Variants in ZC3H12C observed in about 807,000 individuals in gnomAD.
The protein encoded by ZC3H12C is zinc finger CCCH-type containing 12C.
A neutral mutation model predicts 76.3 loss-of-function variants in ZC3H12C; 20 were observed. The observed-to-expected ratio is 0.26, with a 90% CI of 0.18 to 0.38. The LOEUF (loss-of-function observed/expected upper bound fraction) is 0.38, where lower values mean the gene tolerates loss of function less well. Ranked by LOEUF, ZC3H12C falls within the 10% of genes least tolerant of loss-of-function variation. The pLI, the probability that ZC3H12C is intolerant of heterozygous loss-of-function variation, is 1.00. For missense variants in ZC3H12C, 874 were observed against 1,086.5 expected, an observed-to-expected ratio of 0.80 and a Z score of 2.75; for synonymous variants, 352 against 399.6, an observed-to-expected ratio of 0.88 and a Z score of 1.42.
At chr11:110,104,869 A>G (rs1861293931) in intron 1 of ZC3H12C, among the ~76,000 whole-genome samples, 1 of 152,200 alleles carries the variant, frequency 6.6e-6, no homozygotes, top group Non-Finnish European at 1.5e-5. Flanking sequence ...TTGCTTTTCT[A>G]CTTACTCATT....
intron 1 of ZC3H12C, among the ~76,000 whole-genome samples, chr11:110,107,034 C>T (rs1000645158): frequency 5.3e-5 from 8 of 152,190 alleles, no homozygotes; most frequent in African/African-American, 1.9e-4. Flanking sequence ...CTTATATACA[C>T]ATGTTCTGAA....
chr11:110,137,159 G>C lies in ZC3H12C; in HGVS notation c.518G>C (p.Gly173Ala), dbSNP rs1328575272. ...QTKLEFALKL[G>A]YSEEQVQLVL... ...AAACTGGAGTTTGCACTTAAGTTAG[G>C]TTATTCTGAAGAACAGGTTCAGCTT... Residue 173 changes from glycine (G) to alanine (A), a missense_variant, in exon 2 of 6, where the codon GGT becomes GCT. Physicochemically the swap from Gly to Ala is moderately conservative, Grantham distance 60. Coordinates refer to ENST00000278590, the MANE Select transcript of ZC3H12C (RefSeq NM_033390.2). 6.2e-7 allele frequency: 1 copy of C among 1,613,786 alleles called. No individual in the cohort carries two copies. Among genetic ancestry groups the C allele is most frequent in the Non-Finnish European group, 8.5e-7 (1 of 1,179,876 alleles).
chr11:110,159,713 CAT>C (rs1445010955), intron 4 of ZC3H12C, among the ~76,000 whole-genome samples: 1 of 152,168 alleles, frequency 6.6e-6, no homozygotes, highest in African/African-American at 2.4e-5. Context: ...GTAAGTCACT[CAT>C]AGAACACCTA....
rs202160093 is a variant in ZC3H12C, at chr11:110,112,991, GC to G, written c.21+19567del. ...AGTCTCCTGGTTTAAAGTTCTTATC[GC>G]CCCCCCCTACCAAAAAAAAAGATTT... is the stretch of plus-strand genomic sequence containing the variant. On this transcript the variant is annotated intron_variant, in intron 1 of 5. Coordinates refer to ENST00000278590, the MANE Select transcript of ZC3H12C (RefSeq NM_033390.2). Among the ~76,000 whole-genome samples the G allele has an allele frequency of 7.0e-4, 52 of 73,782 alleles. 1 individual carries two copies. The highest frequency in any genetic ancestry group is 6.8e-3 in the Middle Eastern group (1 of 148). 48.4% of individuals were successfully genotyped at this position (73,782 alleles called of 152,430 possible).
intron 2 of ZC3H12C, among the ~76,000 whole-genome samples, chr11:110,150,806 AT>A (rs1862259343): frequency 1.3e-5 from 2 of 151,970 alleles, no homozygotes. Context: ...TGTGTTACTA[AT>A]TTGGAGATGA....
chr11:110,110,408 C>G (rs1308032276), intron 1 of ZC3H12C, among the ~76,000 whole-genome samples: 1 of 152,092 alleles, frequency 6.6e-6, no homozygotes, highest in African/African-American at 2.4e-5. Flanking sequence ...CTTTGGCCCC[C>G]ACTGTACTCT....
chr11:110,158,970 A>C (rs1862427958), intron 3 of ZC3H12C, among the ~76,000 whole-genome samples: 1 of 152,216 alleles, frequency 6.6e-6, no homozygotes. Context: ...CCAGCTCTTA[A>C]GCAAAAGCTT....
At chr11:110,124,522 A>G (rs2134165349) in intron 1 of ZC3H12C, among the ~76,000 whole-genome samples, 1 of 152,326 alleles carries the variant, frequency 6.6e-6, no homozygotes, top group Admixed American at 6.5e-5. Flanking sequence ...CACACTATTC[A>G]TGTTACAGAA....
chr11:110,143,363 T>C (rs1862101411), intron 2 of ZC3H12C, among the ~76,000 whole-genome samples: 2 of 151,464 alleles, frequency 1.3e-5, no homozygotes, highest in African/African-American at 4.9e-5. Flanking sequence ...CTTAAAGTCA[T>C]TTTTTTTAGA....
intron 2 of ZC3H12C, among the ~76,000 whole-genome samples, chr11:110,141,765 G>A (rs114371575): frequency 1.3e-3 from 191 of 152,148 alleles, no homozygotes; most frequent in African/African-American, 3.6e-3. Context: ...ATCACATTTC[G>A]GAGACTTCGT....
intron 4 of ZC3H12C, among the ~76,000 whole-genome samples, chr11:110,163,019 A>G (rs1371831454): frequency 6.6e-6 from 1 of 152,238 alleles, no homozygotes; most frequent in Non-Finnish European, 1.5e-5. Context: ...AGGAAGAATT[A>G]ATAGGACATG....
At chr11:110,117,003 T>C (rs1001534893) in intron 1 of ZC3H12C, among the ~76,000 whole-genome samples, 3 of 152,218 alleles carry the variant, frequency 2.0e-5, no homozygotes, top group Non-Finnish European at 2.9e-5. Context: ...AGTTTCAGAA[T>C]ACCAGTAAGC....
chr11:110,168,813 C>T lies in ZC3H12C; in HGVS notation c.*3076C>T, dbSNP rs1398555074. The T allele has an allele frequency of 6.6e-6, 1 of 152,094 alleles. No homozygotes were observed. The highest frequency in any genetic ancestry group is 1.5e-5 in the Non-Finnish European group (1 of 67,990). The allele number at this position is 152,094 out of a possible 1,614,324, so 9.4% of individuals were successfully genotyped here. A position where few individuals can be genotyped will look rare whatever the true frequency, so the allele number is the denominator to read the frequency against. ...GATAAGAGTTTGTCATTGACTTACA[C>T]ATTTGGAAGAAATGCACACCAGTGT... On this transcript the variant is annotated 3_prime_UTR_variant, in exon 6 of 6. Coordinates refer to ENST00000278590, the MANE Select transcript of ZC3H12C (RefSeq NM_033390.2).
chr11:110,146,328 T>C (rs1454309461), intron 2 of ZC3H12C, among the ~76,000 whole-genome samples: 1 of 152,088 alleles, frequency 6.6e-6, no homozygotes, highest in Non-Finnish European at 1.5e-5. Flanking sequence ...ACAAGAAAGA[T>C]GAACAGAAAC....
chr11:110,163,477 T>C (rs1862518590), intron 5 of ZC3H12C, 98 bp downstream of exon 5: 2 of 877,492 alleles, frequency 2.3e-6, no homozygotes, highest in Non-Finnish European at 3.4e-6. Context: ...TTGGATGGCA[T>C]AATATGCAGT....
Position 110,166,997 on chromosome 11 carries a change from T to C in ZC3H12C, c.*1260T>C, listed in dbSNP as rs1862596326. 6.6e-6 allele frequency: 1 copy of C among 152,236 alleles called. No individual in the cohort carries two copies. Among genetic ancestry groups the C allele is most frequent in the Admixed American group, 6.5e-5 (1 of 15,280 alleles). 9.4% of individuals were successfully genotyped at this position (152,236 alleles called of 1,614,324 possible). ...AGACTAAGGTCTGTTCTAGTATTAG[T>C]AAGGGATATTTCTGGTTTCAAAGTC... On this transcript the variant is annotated 3_prime_UTR_variant, in exon 6 of 6. Transcript: ENST00000278590.
At chr11:110,103,458 C>A (rs1861255983) in intron 1 of ZC3H12C, among the ~76,000 whole-genome samples, 1 of 152,092 alleles carries the variant, frequency 6.6e-6, no homozygotes, top group Non-Finnish European at 1.5e-5. Context: ...TTGGTACTAA[C>A]TTTATGCCAG....
chr11:110,124,270 C>G (rs572822897), intron 1 of ZC3H12C: 98 of 152,292 alleles, frequency 6.4e-4, no homozygotes, highest in African/African-American at 2.0e-3. Context: ...ATAAACCCAC[C>G]CTGTCACAGG....
Position 110,137,188 on chromosome 11 carries a change from C to G in ZC3H12C, c.547C>G (p.Leu183Val). The G allele has an allele frequency of 3.1e-6, 5 of 1,613,882 alleles. No individual in the cohort carries two copies. Among genetic ancestry groups the G allele is most frequent in the Non-Finnish European group, 4.2e-6 (5 of 1,179,842 alleles). ...TTCTGAAGAACAGGTTCAGCTTGTA[C>G]TAAACAAACTTGGTACTGATGCTTT... ...GYSEEQVQLV[L>V]NKLGTDALIN... Residue 183 changes from leucine (L) to valine (V), a missense_variant, in exon 2 of 6, where the codon CTA becomes GTA. By Grantham distance (32) the Leu-to-Val change is conservative. Around this residue, in one of 3 missense-constraint regions of ZC3H12C, gnomAD observed 210 missense variants for 227.1 expected, o/e 0.92. Coordinates refer to ENST00000278590, the MANE Select transcript of ZC3H12C (RefSeq NM_033390.2).
Sources: gnomAD v4.1 joint callset for allele counts (sites outside exome capture counted in the v4.1 genomes callset) on GRCh38, gnomAD v4.1.1 for gene constraint, gnomAD v4.1.1 regional missense constraint, MANE v1.5 for transcripts, NCBI Gene and HGNC (gene_info 2026-07-23, HGNC 2026-07-21) for gene names.